Variants in LRCH1 observed in about 807,000 individuals in gnomAD.
The protein encoded by LRCH1 is leucine rich repeats and calponin homology domain containing 1.
LRCH1 carries 23 observed loss-of-function variants against 94.9 expected under a neutral mutation model. The observed-to-expected ratio is 0.24, with a 90% CI of 0.17 to 0.34. The LOEUF (loss-of-function observed/expected upper bound fraction) is 0.34. Among genes scored for constraint, LRCH1 ranks in the 10% least tolerant of loss-of-function variants. The probability of loss-of-function intolerance (pLI) is 1.00; values close to 1 mark genes in which losing one functional copy is unlikely to be tolerated. For synonymous variants in LRCH1, 364 were observed against 354.9 expected, an observed-to-expected ratio of 1.03 and a Z score of -0.29; for missense variants, 790 against 945.9, an observed-to-expected ratio of 0.84 and a Z score of 2.16.
intron 1 of LRCH1, among the ~76,000 whole-genome samples, chr13:46,597,554 A>G (rs1490503525): frequency 6.6e-6 from 1 of 152,048 alleles, no homozygotes; most frequent in Non-Finnish European, 1.5e-5. Flanking sequence ...ACAGGGTTTC[A>G]CCATGTCGAA....
intron 1 of LRCH1, among the ~76,000 whole-genome samples, chr13:46,644,373 C>G (rs2051195383): frequency 6.6e-6 from 1 of 152,218 alleles, no homozygotes; most frequent in African/African-American, 2.4e-5. Context: ...TTTGCCTCAT[C>G]TTACTTTTCA....
chr13:46,557,326 T>A (rs1050165730), intron 1 of LRCH1, among the ~76,000 whole-genome samples: 3 of 151,710 alleles, frequency 2.0e-5, no homozygotes, highest in African/African-American at 7.2e-5. Context: ...GCCCTTAGAC[T>A]TGGCATGCAG....
In LRCH1 at chr13:46,743,363, T is replaced by C; in HGVS notation, c.*1515T>C. 4.1e-6 allele frequency: 4 copies of C among 985,772 alleles called. No individual in the cohort carries two copies. The highest frequency in any genetic ancestry group is 9.4e-5 in the South Asian group (2 of 21,292). The allele number at this position is 985,772 out of a possible 1,614,324, so 61.1% of individuals were successfully genotyped here. ...AGGAAGCATTCTTTACATGACAGTA[T>C]CTTGAGTTATGTGAGTTTTTTTTCC... On this transcript the variant is annotated 3_prime_UTR_variant, in exon 20 of 20. Transcript: ENST00000389797.
chr13:46,625,240 A>G (rs1391222498), intron 1 of LRCH1, among the ~76,000 whole-genome samples: 4 of 152,194 alleles, frequency 2.6e-5, no homozygotes, highest in Admixed American at 1.3e-4. Context: ...CTCTTCTATT[A>G]TCTTCTGCAT....
At chr13:46,588,847 C>T (rs2050465661) in intron 1 of LRCH1, among the ~76,000 whole-genome samples, 1 of 151,960 alleles carries the variant, frequency 6.6e-6, no homozygotes, top group African/African-American at 2.4e-5. Flanking sequence ...AGGTGATCTG[C>T]CTGCCTTGGC....
rs2050528650 is a variant in LRCH1 at position 46,593,835 on chromosome 13, G to GT, written c.307+40134dup. 3.3e-5 allele frequency among the ~76,000 whole-genome samples: 5 copies of GT among 152,282 alleles called. No individual in the cohort carries two copies. The South Asian group carries it at 8.3e-4, about 25-fold the overall frequency. ...TCTGATCTGATTTCATTATTTGTCT[G>GT]TTGTGGTAGCTTTGGTGAAGTTGGA... On this transcript the variant is annotated intron_variant, in intron 1 of 19. Coordinates refer to ENST00000389797, the MANE Select transcript of LRCH1 (RefSeq NM_001164211.2).
At chr13:46,739,013 T>G (rs2138246785) in intron 19 of LRCH1, among the ~76,000 whole-genome samples, 1 of 152,334 alleles carries the variant, frequency 6.6e-6, no homozygotes, top group African/African-American at 2.4e-5. Flanking sequence ...ATTCTTATAT[T>G]ATGATATTTT....
rs891574900 is a variant in LRCH1 at position 46,677,357 on chromosome 13, C to T, written c.580-4384C>T. ...GGCGGGAGAATCGCTTGAACCTGGG[C>T]GGCAGAGGTTTGCAGTGAGCCAAGA... On this transcript the variant is annotated intron_variant, in intron 3 of 19. Transcript: ENST00000389797. 4.1e-4 allele frequency among the ~76,000 whole-genome samples: 62 copies of T among 151,744 alleles called. 1 individual carries two copies. The highest frequency in any genetic ancestry group is 1.4e-3 in the African/African-American group (58 of 41,366).
At chr13:46,731,078 A>G (rs1873078323) in intron 18 of LRCH1, among the ~76,000 whole-genome samples, 1 of 151,900 alleles carries the variant, frequency 6.6e-6, no homozygotes, top group African/African-American at 2.4e-5. Flanking sequence ...CTCCTACCCA[A>G]AACCAATCAC....
intron 4 of LRCH1, among the ~76,000 whole-genome samples, chr13:46,685,427 A>C (rs945734117): frequency 6.6e-5 from 10 of 152,238 alleles, no homozygotes; most frequent in African/African-American, 1.9e-4. Flanking sequence ...TTTAAAATGC[A>C]GTTGAAAAAC....
intron 4 of LRCH1, among the ~76,000 whole-genome samples, chr13:46,684,232 C>T (rs1870486720): frequency 7.9e-6 from 1 of 127,092 alleles, no homozygotes; most frequent in South Asian, 2.7e-4. Context: ...TTCTTACTCC[C>T]TTTCTCTACT....
At chr13:46,614,288 C>CT (rs1360639135) in intron 1 of LRCH1, among the ~76,000 whole-genome samples, 2 of 152,146 alleles carry the variant, frequency 1.3e-5, no homozygotes, top group African/African-American at 2.4e-5. Context: ...CCGATTATGC[C>CT]TTTTGAGGCA....
intron 10 of LRCH1, among the ~76,000 whole-genome samples, chr13:46,699,844 C>T (rs1248768972): frequency 1.3e-5 from 2 of 152,218 alleles, no homozygotes; most frequent in African/African-American, 4.8e-5. Context: ...ACCATTTATT[C>T]AACATCATGT....
At chr13:46,674,174 T>C (rs1183358906) in intron 3 of LRCH1, among the ~76,000 whole-genome samples, 2 of 152,218 alleles carry the variant, frequency 1.3e-5, no homozygotes, top group Non-Finnish European at 2.9e-5. Flanking sequence ...AAAAAAACTT[T>C]AGCCATCTAC....
intron 19 of LRCH1, among the ~76,000 whole-genome samples, chr13:46,740,576 C>T (rs954288488): frequency 5.9e-5 from 9 of 152,176 alleles, no homozygotes; most frequent in Non-Finnish European, 8.8e-5. Context: ...GTAAAATATA[C>T]ATAACATATA....
intron 11 of LRCH1, among the ~76,000 whole-genome samples, 183 bp downstream of exon 11, chr13:46,701,390 G>A (rs1354088108): frequency 2.6e-5 from 4 of 152,162 alleles, no homozygotes; most frequent in Admixed American, 2.0e-4. Context: ...TCAAACTTCT[G>A]GAGGGAGTGA....
rs758709963 is a variant in LRCH1 at position 46,712,587 on chromosome 13, G to C, written c.1644G>C (p.Lys548Asn). The change falls in exon 15 of 20, where the codon AAG (lysine) becomes AAC (asparagine). Residue 548 changes from lysine to asparagine, a missense_variant. Physicochemically the swap from Lys to Asn is moderately conservative, Grantham distance 94. This residue lies in a region of LRCH1 where 460 missense variants were observed against 508.9 expected (regional missense o/e 0.90). Transcript: ENST00000389797. ...ACAGCACAGCTCCATTTGGCCTGAA[G>C]CCTCGATCAGGTAAATGAAAACCTC... ...TTNSTAPFGL[K>N]PRSDPALILP... 1 of 1,613,782 alleles carries C rather than the reference G, an allele frequency of 6.2e-7. No homozygotes were observed. Among genetic ancestry groups the C allele is most frequent in the South Asian group, 1.1e-5 (1 of 91,076 alleles).
At chr13:46,626,842 G>A (rs1311656060) in intron 1 of LRCH1, among the ~76,000 whole-genome samples, 1 of 151,824 alleles carries the variant, frequency 6.6e-6, no homozygotes, top group Non-Finnish European at 1.5e-5. Flanking sequence ...TTCACTAACC[G>A]GTTTATGCAA....
intron 11 of LRCH1, among the ~76,000 whole-genome samples, chr13:46,703,921 G>A (rs142778290): frequency 0.01 from 1,534 of 152,014 alleles, 12 homozygotes; most frequent in African/African-American, 0.035. Flanking sequence ...TAAAATGGAA[G>A]GAAATATATT....
Sources: allele counts gnomAD v4.1 joint callset (sites outside exome capture counted in the v4.1 genomes callset), GRCh38; gene constraint gnomAD v4.1.1; regional missense constraint gnomAD v4.1.1; transcripts MANE v1.5; gene names NCBI Gene and HGNC (gene_info 2026-07-23, HGNC 2026-07-21).